C12orf42: variants seen among roughly 807,000 people sequenced by gnomAD.
C12orf42 encodes the protein chromosome 12 open reading frame 42.
C12orf42 carries 25 observed loss-of-function variants against 21.6 expected under a neutral mutation model. The observed-to-expected ratio is 1.16, with a 90% CI of 0.84 to 1.62. The LOEUF (loss-of-function observed/expected upper bound fraction) is 1.62. C12orf42 is among the 40% of genes most tolerant of loss of function. C12orf42 has a pLI of 0.00. For missense variants in C12orf42, 483 were observed against 459.3 expected (o/e 1.05, Z -0.47); for synonymous variants, 174 against 175.0 (o/e 0.99, Z 0.05).
At chr12:103,325,549 A>C (rs570136913) in intron 4 of C12orf42, among the ~76,000 whole-genome samples, 1 of 152,226 alleles carries the variant, frequency 6.6e-6, no homozygotes, top group African/African-American at 2.4e-5. Context: ...GTCTTGCCAT[A>C]CTAAGGTTGA....
At chr12:103,223,037 T>C in the C12orf42 span, among the ~76,000 whole-genome samples, 5 of 152,130 alleles carry the variant, frequency 3.3e-5, no homozygotes, top group Admixed American at 6.6e-5. Flanking sequence ...TTCATTCACA[T>C]TAATTGCACA....
intron 1 of C12orf42, among the ~76,000 whole-genome samples, chr12:103,481,696 T>G (rs1954484896): frequency 6.6e-6 from 1 of 151,838 alleles, no homozygotes; most frequent in African/African-American, 2.4e-5. Context: ...CTAAGAAGTT[T>G]AGCCCTTTTC....
downstream of C12orf42, among the ~76,000 whole-genome samples, chr12:103,265,345 G>T (rs1420865857): frequency 6.6e-6 from 1 of 152,086 alleles, no homozygotes. Context: ...TGCGTACTGT[G>T]GTAGGTGCTG....
At chr12:103,169,027 A>G in the C12orf42 span, among the ~76,000 whole-genome samples, 1 of 152,004 alleles carries the variant, frequency 6.6e-6, no homozygotes, top group Non-Finnish European at 1.5e-5. Context: ...GGAGACAAGG[A>G]GAGGTATAGC....
intron 2 of C12orf42, among the ~76,000 whole-genome samples, chr12:103,465,373 A>G (rs1490866345): frequency 1.3e-5 from 2 of 152,060 alleles, no homozygotes; most frequent in Non-Finnish European, 2.9e-5. Flanking sequence ...TGTGAATGGG[A>G]GATGATTCAT....
rs563428099 is a variant in C12orf42 at position 103,249,968 on chromosome 12, T to C, written c.*1367-12066A>G. On this transcript the variant is annotated intron_variant and NMD_transcript_variant, in intron 10 of 10. Transcript: ENST00000547347. ...AAGGTTTTTGTTCAAGTTATGACAA[T>C]ATTCCCTGTAGAACATCAGTTTCTG... Among the ~76,000 whole-genome samples the C allele has an allele frequency of 5.9e-5, 9 of 152,228 alleles. No homozygotes were observed. The East Asian group carries it at 1.4e-3, about 23-fold the overall frequency.
At chr12:103,104,819 A>T in the C12orf42 span, among the ~76,000 whole-genome samples, 1 of 152,238 alleles carries the variant, frequency 6.6e-6, no homozygotes, top group Non-Finnish European at 1.5e-5. Flanking sequence ...TGAGGCATCC[A>T]CATAAGGTTC....
chr12:103,304,177 G>C (rs2038035410), intron 5 of C12orf42, among the ~76,000 whole-genome samples: 1 of 152,158 alleles, frequency 6.6e-6, no homozygotes, highest in Non-Finnish European at 1.5e-5. Context: ...AAGTCTCTTT[G>C]ACCTTACCCG....
At chr12:103,192,237 G>A in the C12orf42 span, among the ~76,000 whole-genome samples, 1 of 152,036 alleles carries the variant, frequency 6.6e-6, no homozygotes, top group South Asian at 2.1e-4. Flanking sequence ...TACACATAGG[G>A]CTCATGTCTG....
At chr12:103,540,495 C>T in the C12orf42 span, among the ~76,000 whole-genome samples, 1 of 152,070 alleles carries the variant, frequency 6.6e-6, no homozygotes, top group African/African-American at 2.4e-5. Flanking sequence ...GCGAATACAC[C>T]TTTAGAATGT....
intron 4 of C12orf42, among the ~76,000 whole-genome samples, chr12:103,360,254 T>C (rs2043971189): frequency 1.3e-5 from 2 of 151,616 alleles, no homozygotes; most frequent in South Asian, 4.2e-4. Context: ...CTCTTCTCCA[T>C]TCCCAGGTGC....
At chr12:103,555,832 G>A in the C12orf42 span, among the ~76,000 whole-genome samples, 3 of 152,074 alleles carry the variant, frequency 2.0e-5, no homozygotes, top group Non-Finnish European at 4.4e-5. Flanking sequence ...CTAGGAGGGT[G>A]TGGTTAATCC....
At chr12:103,344,813 G>A (rs929266290) in intron 4 of C12orf42, among the ~76,000 whole-genome samples, 2 of 152,066 alleles carry the variant, frequency 1.3e-5, no homozygotes, top group African/African-American at 2.4e-5. Context: ...AGAGAGAGAG[G>A]CAGCTTTGGG....
At chr12:103,398,226 T>A (rs189005161) in intron 3 of C12orf42, among the ~76,000 whole-genome samples, 4 of 152,212 alleles carry the variant, frequency 2.6e-5, no homozygotes, top group African/African-American at 9.6e-5. Context: ...GAGTATGAAA[T>A]CATCTTTCAT....
chr12:103,385,057 A>C (rs996125820), intron 3 of C12orf42, among the ~76,000 whole-genome samples: 2 of 152,122 alleles, frequency 1.3e-5, no homozygotes, highest in African/African-American at 4.8e-5. Context: ...TTTGTATTTT[A>C]TTTGCTCAGT....
chr12:103,160,628 T>G, the C12orf42 span, among the ~76,000 whole-genome samples: 2 of 152,170 alleles, frequency 1.3e-5, no homozygotes, highest in African/African-American at 4.8e-5. Context: ...ATAAAACCCC[T>G]TGCTGAGTAG....
At chr12:103,346,404 A>G (rs1658919184) in intron 4 of C12orf42, among the ~76,000 whole-genome samples, 1 of 152,182 alleles carries the variant, frequency 6.6e-6, no homozygotes, top group South Asian at 2.1e-4. Flanking sequence ...AATTATTTTT[A>G]ATTTATTTTT....
chr12:103,329,321 A>G (rs1214949834), intron 4 of C12orf42, among the ~76,000 whole-genome samples: 3 of 152,194 alleles, frequency 2.0e-5, no homozygotes, highest in South Asian at 4.1e-4. Flanking sequence ...GGTTACTAAG[A>G]AAGTCCAATG....
chr12:103,145,243 A>C, the C12orf42 span, among the ~76,000 whole-genome samples: 1 of 152,112 alleles, frequency 6.6e-6, no homozygotes, highest in African/African-American at 2.4e-5. Flanking sequence ...CCCACATTTA[A>C]AATAATCCTA....
Sources: allele counts gnomAD v4.1 joint callset (sites outside exome capture counted in the v4.1 genomes callset), GRCh38; gene constraint gnomAD v4.1.1; transcripts MANE v1.5; gene names NCBI Gene and HGNC (gene_info 2026-07-23, HGNC 2026-07-21).